The following LMAN2L variants were observed in gnomAD, a reference collection of about 807,000 sequenced individuals.
LMAN2L encodes VIP36-like protein.
LMAN2L carries 30 observed loss-of-function variants against 44.3 expected under a neutral mutation model. The ratio of observed to expected loss-of-function variants is 0.68; its 90% CI spans 0.51 to 0.92. The LOEUF is 0.92. Among genes scored for constraint, LMAN2L ranks in the 40% least tolerant of loss-of-function variants. The pLI is 0.00. For synonymous variants in LMAN2L, 183 were observed against 171.1 expected, an observed-to-expected ratio of 1.07 and a Z score of -0.54; for missense variants, 429 against 446.1, an observed-to-expected ratio of 0.96 and a Z score of 0.35.
chr2:96,731,504 G>T, intron 4 of LMAN2L, among the ~76,000 whole-genome samples: 1 of 151,890 alleles, frequency 6.6e-6, no homozygotes, highest in East Asian at 2.0e-4. Context: ...AAATTAGCTG[G>T]GCGTGGTGGC....
At chr2:96,733,431 T>G (rs2153335561) in intron 4 of LMAN2L, 88 bp downstream of exon 4, 1 of 929,256 alleles carries the variant, frequency 1.1e-6, no homozygotes, top group Middle Eastern at 2.1e-4. Flanking sequence ...TCACTTTCTA[T>G]CTCCTTTGTT....
intron 4 of LMAN2L, among the ~76,000 whole-genome samples, chr2:96,716,062 CATAT>C (rs1028016253): frequency 6.6e-6 from 1 of 152,230 alleles, no homozygotes; most frequent in African/African-American, 2.4e-5. Context: ...CACAGGTACT[CATAT>C]ATATATAAAC....
chr2:96,712,069 T>TACA (rs1558948721), intron 4 of LMAN2L, 44 bp from the exon 5 acceptor site: 1 of 1,592,612 alleles, frequency 6.3e-7, no homozygotes. Context: ...GAAGAGCACA[T>TACA]AGGAACGCCT....
intron 2 of LMAN2L, among the ~76,000 whole-genome samples, chr2:96,737,387 C>T (rs900936621): frequency 2.6e-5 from 4 of 152,250 alleles, no homozygotes; most frequent in Non-Finnish European, 5.9e-5. Flanking sequence ...CGGTGGCTCA[C>T]ACCTATAATC....
intron 4 of LMAN2L, among the ~76,000 whole-genome samples, chr2:96,730,915 C>T (rs2078381030): frequency 6.6e-6 from 1 of 152,172 alleles, no homozygotes; most frequent in African/African-American, 2.4e-5. Flanking sequence ...CCTCGTGATC[C>T]ACCCGCCTTG....
At chr2:96,737,760 TAGAG>T (rs1368848618) in intron 2 of LMAN2L, among the ~76,000 whole-genome samples, 185 bp downstream of exon 2, 1 of 152,224 alleles carries the variant, frequency 6.6e-6, no homozygotes, top group Non-Finnish European at 1.5e-5. Flanking sequence ...TATAATTAAA[TAGAG>T]AGCATTTTCC....
intron 2 of LMAN2L, 77 bp downstream of exon 2, chr2:96,737,872 A>G: frequency 1.2e-6 from 1 of 819,142 alleles, no homozygotes; most frequent in Non-Finnish European, 2.1e-6. Flanking sequence ...ATAGACAGTA[A>G]AATTAAATCA....
intron 2 of LMAN2L, 121 bp downstream of exon 2, chr2:96,737,828 C>T: frequency 1.6e-6 from 1 of 642,000 alleles, no homozygotes; most frequent in Non-Finnish European, 2.8e-6. Context: ...AAATAAAGAT[C>T]CTTGATATCC....
intron 2 of LMAN2L, among the ~76,000 whole-genome samples, chr2:96,735,119 C>T (rs1412891928): frequency 1.3e-5 from 2 of 152,160 alleles, no homozygotes; most frequent in Non-Finnish European, 2.9e-5. Context: ...AGTTACAGTC[C>T]CCAAACCCTC....
At chr2:96,735,132 G>A (rs147777663) in intron 2 of LMAN2L, among the ~76,000 whole-genome samples, 38 of 152,276 alleles carry the variant, frequency 2.5e-4, no homozygotes, top group African/African-American at 8.2e-4. Context: ...AAACCCTCCC[G>A]TCCATGGCCA....
intron 4 of LMAN2L, among the ~76,000 whole-genome samples, chr2:96,732,300 A>C (rs1016772786): frequency 6.6e-6 from 1 of 152,000 alleles, no homozygotes; most frequent in Non-Finnish European, 1.5e-5. Flanking sequence ...ATTTCCCACC[A>C]TCTGATGGCA....
chr2:96,733,392 C>T, intron 4 of LMAN2L, 127 bp downstream of exon 4: 1 of 691,168 alleles, frequency 1.4e-6, no homozygotes, highest in East Asian at 2.7e-5. Flanking sequence ...AGGACATTAA[C>T]TTTCAAAGTT....
intron 6 of LMAN2L, among the ~76,000 whole-genome samples, chr2:96,709,229 G>T (rs1028151452): frequency 2.6e-5 from 4 of 152,090 alleles, no homozygotes; most frequent in East Asian, 1.9e-4. Context: ...CCTGAAGTTA[G>T]ATTCTTATTG....
intron 4 of LMAN2L, among the ~76,000 whole-genome samples, chr2:96,723,608 G>A (rs2078204851): frequency 6.6e-6 from 1 of 152,030 alleles, no homozygotes; most frequent in South Asian, 2.1e-4. Flanking sequence ...CCAAAGTCAA[G>A]AAGAATCAAT....
At chr2:96,714,026 A>C (rs1317435168) in intron 4 of LMAN2L, among the ~76,000 whole-genome samples, 1 of 152,248 alleles carries the variant, frequency 6.6e-6, no homozygotes, top group Non-Finnish European at 1.5e-5. Context: ...CCAGATGCTG[A>C]GGGTCCAAAG....
chr2:96,739,825 G>T, intron 1 of LMAN2L, 29 bp downstream of exon 1: 4 of 1,608,886 alleles, frequency 2.5e-6, no homozygotes, highest in Non-Finnish European at 3.4e-6. Flanking sequence ...CCGCCCCACT[G>T]CACGACCACC....
At chr2:96,736,124 C>T (rs1471550925) in intron 2 of LMAN2L, among the ~76,000 whole-genome samples, 2 of 152,132 alleles carry the variant, frequency 1.3e-5, no homozygotes, top group African/African-American at 4.8e-5. Flanking sequence ...TCCCAGTGAG[C>T]CAAGAGGTGT....
Position 96,734,494 on chromosome 2 carries a change from C to A in LMAN2L, c.339G>T (p.Val113=), listed in dbSNP as rs199689213. 5 of 1,612,958 alleles carry A rather than the reference C, an allele frequency of 3.1e-6. No homozygotes were observed. The highest frequency in any genetic ancestry group is 4.2e-6 in the Non-Finnish European group (5 of 1,178,918). Reference sequence around the variant, plus strand: ...TTCCTTGTCCATGGATTTTGAAGTGCACCTGCAACTCCCAGTCTCTCAGGA... The same window carrying A: ...TTCCTTGTCCATGGATTTTGAAGTGAACCTGCAACTCCCAGTCTCTCAGGA... ...PCFLRDWELQ[V]HFKIHGQGKK... is the part of the protein sequence containing the mutation. Residue 113 remains valine, a synonymous_variant, in exon 3 of 8, where the codon GTG becomes GTT. Coordinates refer to ENST00000264963, the MANE Select transcript of LMAN2L (RefSeq NM_030805.4).
Position 96,707,136 on chromosome 2 carries a change from A to G in LMAN2L, c.*120T>C. 2.1e-6 allele frequency: 2 copies of G among 960,034 alleles called. No individual in the cohort carries two copies. The highest frequency in any genetic ancestry group is 1.8e-5 in the South Asian group (1 of 54,976). 59.5% of individuals were successfully genotyped at this position (960,034 alleles called of 1,614,324 possible). ...CTGCATTCAAAACTCCAGTGACAGA[A>G]TATAGTCCCCAACCAGCTGCTAGAG... On this transcript the variant is annotated 3_prime_UTR_variant, in exon 8 of 8. Coordinates refer to ENST00000264963, the MANE Select transcript of LMAN2L (RefSeq NM_030805.4).
Sources: gnomAD v4.1 joint callset for allele counts (sites outside exome capture counted in the v4.1 genomes callset) on GRCh38, gnomAD v4.1.1 for gene constraint, MANE v1.5 for transcripts, NCBI Gene and HGNC (gene_info 2026-07-23, HGNC 2026-07-21) for gene names.